Variants in FMN1 observed in about 807,000 individuals in gnomAD.
FMN1 encodes formin 1, also known as formin-1.
In FMN1, 110 loss-of-function variants were observed where a neutral mutation model predicts 132.4. The ratio of observed to expected loss-of-function variants is 0.83; its 90% CI spans 0.71 to 0.97. The LOEUF is 0.97. Among genes scored for constraint, FMN1 ranks in the 50% least tolerant of loss-of-function variants. FMN1 has a pLI of 0.00. For synonymous variants in FMN1, 722 were observed against 651.7 expected, an observed-to-expected ratio of 1.11 and a Z score of -1.64; for missense variants, 1,792 against 1,705.3, an observed-to-expected ratio of 1.05 and a Z score of -0.90.
rs1327454134 is a variant in FMN1 at position 32,769,237 on chromosome 15, A to G, written c.*5073T>C. On this transcript the variant is annotated 3_prime_UTR_variant, in exon 21 of 21. Transcript: ENST00000616417. ...CTAACTTTATATCACAGTATTGGTT[A>G]AGAGTCTTGGAACAAATAAGGATAC... 6.6e-6 allele frequency: 1 copy of G among 152,230 alleles called. No homozygotes were observed. The highest frequency in any genetic ancestry group is 1.5e-5 in the Non-Finnish European group (1 of 68,034). 9.4% of individuals were successfully genotyped at this position (152,230 alleles called of 1,614,324 possible). A position where few individuals can be genotyped will look rare whatever the true frequency, so the allele number is the denominator to read the frequency against.
intron 17 of FMN1, among the ~76,000 whole-genome samples, chr15:32,834,273 C>CA (rs928193046): frequency 1.3e-5 from 2 of 152,218 alleles, no homozygotes; most frequent in African/African-American, 4.8e-5. Context: ...CCTTGACCAA[C>CA]AAGCTGATAA....
chr15:32,860,237 G>A (rs574982194), intron 16 of FMN1, among the ~76,000 whole-genome samples: 20 of 151,186 alleles, frequency 1.3e-4, no homozygotes, highest in African/African-American at 4.6e-4. Context: ...GGAAGGGAGG[G>A]AGGAAGGAAA....
At chr15:33,118,292 A>G (rs982365501) in intron 4 of FMN1, among the ~76,000 whole-genome samples, 7 of 152,178 alleles carry the variant, frequency 4.6e-5, no homozygotes, top group African/African-American at 1.7e-4. Flanking sequence ...AACTTTCCTT[A>G]TAGTTTAACA....
intron 4 of FMN1, among the ~76,000 whole-genome samples, chr15:33,107,958 T>A (rs769375244): frequency 6.6e-6 from 1 of 152,104 alleles, no homozygotes; most frequent in African/African-American, 2.4e-5. Context: ...TGTTTGCAGA[T>A]CTTCTATCAT....
chr15:32,856,948 G>C, intron 17 of FMN1, 67 bp downstream of exon 17: 1 of 1,197,264 alleles, frequency 8.4e-7, no homozygotes, highest in Non-Finnish European at 1.2e-6. Context: ...GTGGGCCTCA[G>C]AGAAAGATTC....
chr15:32,990,077 G>A (rs1566797983), intron 7 of FMN1, among the ~76,000 whole-genome samples: 1 of 152,122 alleles, frequency 6.6e-6, no homozygotes, highest in African/African-American at 2.4e-5. Context: ...TTAAATTTGA[G>A]ATACTAAAAA....
intron 7 of FMN1, among the ~76,000 whole-genome samples, chr15:33,005,179 T>TA (rs1352208879): frequency 4.0e-5 from 6 of 151,064 alleles, no homozygotes; most frequent in Non-Finnish European, 7.4e-5. Context: ...CCCTAAAACT[T>TA]AAAGTATAAT....
intron 4 of FMN1, among the ~76,000 whole-genome samples, chr15:33,101,975 T>C (rs1232477033): frequency 6.6e-6 from 1 of 152,154 alleles, no homozygotes; most frequent in East Asian, 1.9e-4. Flanking sequence ...TACCAGTATC[T>C]GAAAGACAAG....
intron 4 of FMN1, among the ~76,000 whole-genome samples, chr15:33,152,712 C>G (rs549163334): frequency 2.3e-4 from 34 of 147,678 alleles, no homozygotes; most frequent in Admixed American, 8.9e-4. Context: ...GGACAAGTTA[C>G]CACTTCTCTC....
At chr15:32,912,836 A>G (rs915522715) in intron 10 of FMN1, among the ~76,000 whole-genome samples, 4 of 152,208 alleles carry the variant, frequency 2.6e-5, no homozygotes, top group Admixed American at 1.3e-4. Context: ...GCATATCTAT[A>G]AAACAGCTCT....
intron 9 of FMN1, among the ~76,000 whole-genome samples, chr15:32,946,733 T>C (rs573263521): frequency 2.0e-5 from 3 of 152,268 alleles, no homozygotes; most frequent in African/African-American, 4.8e-5. Context: ...TTCCTAGGTA[T>C]AGCTGTGGGA....
At chr15:33,187,968 T>C (rs1015213967) in intron 2 of FMN1, among the ~76,000 whole-genome samples, 1 of 152,198 alleles carries the variant, frequency 6.6e-6, no homozygotes, top group African/African-American at 2.4e-5. Context: ...CTCTGTGAAT[T>C]TGGCCCATCT....
At chr15:33,033,702 C>T (rs2036056214) in intron 6 of FMN1, among the ~76,000 whole-genome samples, 1 of 150,608 alleles carries the variant, frequency 6.6e-6, no homozygotes, top group Non-Finnish European at 1.5e-5. Flanking sequence ...AGCAAAATCT[C>T]TCAAAGTCAC....
intron 7 of FMN1, among the ~76,000 whole-genome samples, chr15:33,002,963 C>T (rs144405597): frequency 7.0e-4 from 106 of 152,270 alleles, no homozygotes; most frequent in African/African-American, 2.4e-3. Context: ...AAGACAAAAA[C>T]CACATGATTA....
chr15:32,991,148 C>A (rs1382846754), intron 7 of FMN1, among the ~76,000 whole-genome samples: 1 of 152,120 alleles, frequency 6.6e-6, no homozygotes, highest in Non-Finnish European at 1.5e-5. Context: ...GAAATAAAGG[C>A]ATTTATAGCC....
rs144024846 is a variant in FMN1 at position 32,991,627 on chromosome 15, A to G, written c.2223+16387T>C. ...TAGACTGTTTCTATCTAAACATTAC[A>G]AACGACTTGGCTTGCTGTCAGACAC... On this transcript the variant is annotated intron_variant, in intron 7 of 20. Transcript: ENST00000616417. Among the ~76,000 whole-genome samples, 5 of 152,286 alleles carry G rather than the reference A, an allele frequency of 3.3e-5. No individual in the cohort carries two copies. The East Asian group carries it at 9.7e-4, about 29-fold the overall frequency.
intron 17 of FMN1, among the ~76,000 whole-genome samples, chr15:32,836,728 T>C (rs1301339766): frequency 1.3e-5 from 2 of 152,164 alleles, no homozygotes; most frequent in Non-Finnish European, 2.9e-5. Context: ...ATTTTCTTTT[T>C]AAACTTTTAA....
chr15:33,085,364 G>A (rs912576115), intron 5 of FMN1, among the ~76,000 whole-genome samples: 3 of 152,066 alleles, frequency 2.0e-5, no homozygotes, highest in African/African-American at 7.2e-5. Flanking sequence ...AGGGCTTGAG[G>A]TGAGGAAGGA....
At chr15:32,916,096 C>G (rs903618263) in intron 10 of FMN1, among the ~76,000 whole-genome samples, 1 of 152,142 alleles carries the variant, frequency 6.6e-6, no homozygotes, top group Non-Finnish European at 1.5e-5. Context: ...ATATAATAAC[C>G]GTCAGCAGGG....
Sources: gnomAD v4.1 joint callset for allele counts (sites outside exome capture counted in the v4.1 genomes callset) on GRCh38, gnomAD v4.1.1 for gene constraint, MANE v1.5 for transcripts, NCBI Gene and HGNC (gene_info 2026-07-23, HGNC 2026-07-21) for gene names.